Variants in TNFSF4 observed in about 807,000 individuals in gnomAD.
TNFSF4 encodes tumor necrosis factor ligand superfamily member 4.
TNFSF4 carries 4 observed loss-of-function variants against 7.3 expected under a neutral mutation model. The observed-to-expected ratio is 0.55, with a 90% confidence interval of 0.27 to 1.25. TNFSF4 has a LOEUF of 1.25. Among genes scored for constraint, TNFSF4 ranks in the 50% most tolerant of loss-of-function variants. The pLI is 0.12. For missense variants in TNFSF4, 181 were observed against 208.8 expected (o/e 0.87, Z 0.82); for synonymous variants, 76 against 83.7 (o/e 0.91, Z 0.50).
the TNFSF4 span, among the ~76,000 whole-genome samples, chr1:173,307,413 G>A: frequency 6.6e-6 from 1 of 151,800 alleles, no homozygotes. Flanking sequence ...TGTCAATGTC[G>A]TGAATGACAA....
chr1:173,364,816 G>T, the TNFSF4 span, among the ~76,000 whole-genome samples: 1 of 151,984 alleles, frequency 6.6e-6, no homozygotes, highest in African/African-American at 2.4e-5. Flanking sequence ...ATCAGGCAGG[G>T]CAGTAGTCAA....
upstream of TNFSF4, among the ~76,000 whole-genome samples, chr1:173,210,728 G>A (rs182686526): frequency 3.3e-5 from 5 of 152,022 alleles, no homozygotes; most frequent in Non-Finnish European, 5.9e-5. Flanking sequence ...ATAATTCTAG[G>A]GGGGGGAAAA....
At chr1:173,417,384 A>C in the TNFSF4 span, among the ~76,000 whole-genome samples, 1 of 152,252 alleles carries the variant, frequency 6.6e-6, no homozygotes, top group Non-Finnish European at 1.5e-5. Context: ...AGTCTTCAAT[A>C]AACAAGAACT....
the TNFSF4 span, among the ~76,000 whole-genome samples, chr1:173,265,621 T>A: frequency 6.6e-6 from 1 of 152,282 alleles, no homozygotes; most frequent in Non-Finnish European, 1.5e-5. Flanking sequence ...TATATGCCCA[T>A]ATTTTCTTCT....
the TNFSF4 span, among the ~76,000 whole-genome samples, chr1:173,256,971 T>C: frequency 6.6e-6 from 1 of 152,252 alleles, no homozygotes; most frequent in African/African-American, 2.4e-5. Context: ...TTTGGGTGGA[T>C]AAGCAAAGGG....
chr1:173,219,092 T>A, the TNFSF4 span, among the ~76,000 whole-genome samples: 1 of 152,176 alleles, frequency 6.6e-6, no homozygotes, highest in Non-Finnish European at 1.5e-5. Flanking sequence ...TAGGAACAAT[T>A]TTAAAGTCCA....
the TNFSF4 span, among the ~76,000 whole-genome samples, chr1:173,303,428 GT>G: frequency 6.6e-6 from 1 of 151,838 alleles, no homozygotes; most frequent in Non-Finnish European, 1.5e-5. Flanking sequence ...TCTTATCTGT[GT>G]TTTCCTGTCT....
chr1:173,365,637 A>C, the TNFSF4 span, among the ~76,000 whole-genome samples: 1 of 152,164 alleles, frequency 6.6e-6, no homozygotes, highest in Non-Finnish European at 1.5e-5. Flanking sequence ...TTTTGTTTAT[A>C]TGTTGTGTCA....
At chr1:173,286,829 C>T in the TNFSF4 span, among the ~76,000 whole-genome samples, 2 of 152,038 alleles carry the variant, frequency 1.3e-5, no homozygotes, top group South Asian at 4.2e-4. Context: ...AAGACAGTTT[C>T]CATACGTACA....
At chr1:173,268,636 G>A in the TNFSF4 span, among the ~76,000 whole-genome samples, 1 of 151,976 alleles carries the variant, frequency 6.6e-6, no homozygotes, top group African/African-American at 2.4e-5. Flanking sequence ...GAAACAGAGG[G>A]AATGGACAGA....
the TNFSF4 span, among the ~76,000 whole-genome samples, chr1:173,426,223 G>A: frequency 3.3e-5 from 5 of 152,118 alleles, no homozygotes; most frequent in Non-Finnish European, 7.4e-5. Context: ...GCTTCCTTCT[G>A]GAGGAGCTTC....
At chr1:173,346,900 C>G in the TNFSF4 span, among the ~76,000 whole-genome samples, 2 of 152,078 alleles carry the variant, frequency 1.3e-5, no homozygotes, top group Non-Finnish European at 2.9e-5. Context: ...TTTATACAGC[C>G]AAGCAGATGG....
the TNFSF4 span, among the ~76,000 whole-genome samples, chr1:173,319,271 G>A: frequency 4.6e-3 from 706 of 152,288 alleles, 4 homozygotes; most frequent in African/African-American, 0.016. Flanking sequence ...AAGAGACTGT[G>A]GCCAGACTGT....
the TNFSF4 span, among the ~76,000 whole-genome samples, chr1:173,303,603 C>G: frequency 6.6e-6 from 1 of 151,834 alleles, no homozygotes; most frequent in African/African-American, 2.4e-5. Context: ...ATGGAACTAT[C>G]TTTTTAAATT....
At chr1:173,206,081 C>A (rs1217660375) in intron 1 of TNFSF4, among the ~76,000 whole-genome samples, 2 of 152,152 alleles carry the variant, frequency 1.3e-5, no homozygotes, top group African/African-American at 4.8e-5. Context: ...TCAGACAAGA[C>A]CATCAGAAAT....
the TNFSF4 span, among the ~76,000 whole-genome samples, chr1:173,411,571 G>A: frequency 6.6e-6 from 1 of 152,262 alleles, no homozygotes; most frequent in Non-Finnish European, 1.5e-5. Flanking sequence ...AGGCTGAGGT[G>A]GGCAGATCAC....
chr1:173,341,446 C>A, the TNFSF4 span, among the ~76,000 whole-genome samples: 1 of 152,188 alleles, frequency 6.6e-6, no homozygotes, highest in Non-Finnish European at 1.5e-5. Flanking sequence ...CACAGGCCCC[C>A]TTGCCAGAAT....
the TNFSF4 span, among the ~76,000 whole-genome samples, chr1:173,394,972 AGAT>A: frequency 2.0e-5 from 3 of 149,552 alleles, no homozygotes; most frequent in Admixed American, 2.0e-4. Context: ...ACAGACAGAT[AGAT>A]AATAGAGGAC....
At chr1:173,198,621 A>AAAAC (rs1649808622) in intron 1 of TNFSF4, among the ~76,000 whole-genome samples, 2 of 152,222 alleles carry the variant, frequency 1.3e-5, no homozygotes, top group African/African-American at 4.8e-5. Flanking sequence ...TCCATCTCAA[A>AAAAC]AAACAAACAA....
Sources: gnomAD v4.1 joint callset for allele counts (sites outside exome capture counted in the v4.1 genomes callset) on GRCh38, gnomAD v4.1.1 for gene constraint, MANE v1.5 for transcripts, NCBI Gene and HGNC (gene_info 2026-07-23, HGNC 2026-07-21) for gene names.